SH3YL1: variants seen among roughly 807,000 people sequenced by gnomAD.
SH3YL1 encodes the protein SH3 domain-containing YSC84-like protein 1.
Under a neutral mutation model 45.8 loss-of-function variants are expected in SH3YL1, and 41 were observed. The ratio of observed to expected loss-of-function variants is 0.89; its 90% confidence interval spans 0.70 to 1.16. The LOEUF (loss-of-function observed/expected upper bound fraction) is 1.16, where lower values mean the gene tolerates loss of function less well. SH3YL1 is among the 50% of genes most tolerant of loss of function. The pLI, the probability that SH3YL1 is intolerant of heterozygous loss-of-function variation, is 0.00. For missense variants in SH3YL1, 389 were observed against 409.6 expected, an observed-to-expected ratio of 0.95 and a Z score of 0.43; for synonymous variants, 152 against 151.4, an observed-to-expected ratio of 1.00 and a Z score of -0.03.
chr2:227,385 T>A (rs919918715), intron 8 of SH3YL1, among the ~76,000 whole-genome samples: 1 of 152,142 alleles, frequency 6.6e-6, no homozygotes, highest in East Asian at 1.9e-4. Flanking sequence ...ATTGTGACAC[T>A]GTTTGGCATG....
intron 4 of SH3YL1, chr2:240,678 AAT>A (rs1408826212): frequency 6.6e-6 from 1 of 152,274 alleles, no homozygotes; most frequent in East Asian, 1.9e-4. Flanking sequence ...TGTTGGAAAC[AAT>A]GGAGCAATCA....
intron 4 of SH3YL1, among the ~76,000 whole-genome samples, chr2:237,518 A>C (rs1176433846): frequency 6.6e-6 from 1 of 152,112 alleles, no homozygotes; most frequent in Non-Finnish European, 1.5e-5. Flanking sequence ...GCACTCTCAG[A>C]AAACCCTGTA....
intron 8 of SH3YL1, among the ~76,000 whole-genome samples, chr2:226,608 T>G (rs1385805312): frequency 6.6e-6 from 1 of 152,074 alleles, no homozygotes; most frequent in African/African-American, 2.4e-5. Context: ...TGGTGGGGAA[T>G]GTAGATGGTG....
chr2:250,776 C>T (rs867634430), intron 2 of SH3YL1, among the ~76,000 whole-genome samples: 157 of 152,190 alleles, frequency 1.0e-3, no homozygotes, highest in African/African-American at 3.6e-3. Context: ...AATTAAGAAC[C>T]GACTCTTGGA....
chr2:243,765 G>A (rs980871682), intron 4 of SH3YL1, among the ~76,000 whole-genome samples: 4 of 152,086 alleles, frequency 2.6e-5, no homozygotes, highest in Non-Finnish European at 4.4e-5. Flanking sequence ...CGCTTCTAGT[G>A]AACCATATCT....
chr2:258,559 C>T (rs1435044202), intron 1 of SH3YL1, among the ~76,000 whole-genome samples: 2 of 152,180 alleles, frequency 1.3e-5, no homozygotes, highest in Non-Finnish European at 1.5e-5. Flanking sequence ...GCCTAGATTT[C>T]ATTGCTTCCC....
At chr2:264,307 C>T (rs947678920), upstream of SH3YL1, 2 of 333,750 alleles carry the variant, frequency 6.0e-6, no homozygotes, top group Middle Eastern at 8.0e-4. Context: ...CCTGGTCCGG[C>T]GTGGACCCCG....
At chr2:244,048 G>A (rs779949725) in intron 4 of SH3YL1, among the ~76,000 whole-genome samples, 1 of 152,182 alleles carries the variant, frequency 6.6e-6, no homozygotes, top group Non-Finnish European at 1.5e-5. Context: ...CTGCCTGGAT[G>A]TGGGAGCAGA....
intron 2 of SH3YL1, among the ~76,000 whole-genome samples, chr2:251,215 T>A (rs1208351805): frequency 6.6e-6 from 1 of 152,222 alleles, no homozygotes; most frequent in Non-Finnish European, 1.5e-5. Flanking sequence ...AATGTACCAA[T>A]TATAGATTTA....
In SH3YL1 at chr2:231,087, T is replaced by A; in HGVS notation, c.638A>T (p.Lys213Met). The stretch of plus-strand genomic sequence containing the variant: ...GATTCGTTGTCCTTCATTTTCATAC[T>A]TTTCAGTAAAGGAATCAAGAATTTC... ...LYEILDSFTE[K>M]YENEGQRINA... is the part of the protein sequence containing the mutation. Residue 213 changes from lysine to methionine, a missense_variant, in exon 7 of 10, where the codon AAG (lysine) becomes ATG (methionine). By Grantham distance (95) the Lys-to-Met change is moderately conservative. Transcript: ENST00000356150. 1 of 1,614,148 alleles carries A rather than the reference T, an allele frequency of 6.2e-7. No homozygotes were observed. The highest frequency in any genetic ancestry group is 8.5e-7 in the Non-Finnish European group (1 of 1,179,996).
chr2:260,939 T>G (rs1669565224), intron 1 of SH3YL1: 1 of 152,214 alleles, frequency 6.6e-6, no homozygotes, highest in Non-Finnish European at 1.5e-5. Flanking sequence ...GGGAATCAGA[T>G]GCAGCCTCAC....
At chr2:247,684 T>C in intron 3 of SH3YL1, 82 bp from the exon 4 acceptor site, 1 of 1,017,346 alleles carries the variant, frequency 9.8e-7, no homozygotes, top group Non-Finnish European at 1.5e-6. Context: ...TGCTAAAATC[T>C]AAAGAGTGCT....
chr2:223,444 T>G (rs1328009073), intron 9 of SH3YL1, among the ~76,000 whole-genome samples: 2 of 152,232 alleles, frequency 1.3e-5, no homozygotes, highest in Non-Finnish European at 2.9e-5. Context: ...GCCAGTCAGC[T>G]GACCTTGTCA....
intron 1 of SH3YL1, among the ~76,000 whole-genome samples, chr2:254,480 GCGTGA>G (rs1272534778): frequency 6.6e-6 from 1 of 152,238 alleles, no homozygotes; most frequent in Non-Finnish European, 1.5e-5. Context: ...GGAGGCACAT[GCGTGA>G]CTGACTGCAG....
In SH3YL1 at chr2:233,693, C is replaced by T. The variant is rs185850748; in HGVS notation, c.405-464G>A. ...ATAGTGTGGGTATAAAATATCTCTA[C>T]ATTGCACAATTAATCCAAGACTAGC... On this transcript the variant is annotated intron_variant, in intron 5 of 9. Transcript: ENST00000356150. Among the ~76,000 whole-genome samples, 14 of 152,230 alleles carry T rather than the reference C, an allele frequency of 9.2e-5. No homozygotes were observed. In the East Asian group the frequency reaches 2.1e-3, roughly 23 times the overall value.
intron 4 of SH3YL1, among the ~76,000 whole-genome samples, chr2:242,408 T>A (rs761285353): frequency 1.6e-4 from 24 of 151,910 alleles, no homozygotes; most frequent in Non-Finnish European, 2.7e-4. Flanking sequence ...TAGAACCATA[T>A]GAGAGTAATG....
In SH3YL1 at chr2:242,827, A is replaced by C. The variant is rs1419939310; in HGVS notation, c.291+4711T>G. ...AGATTGACAGTAAAAGGATGGAGAA[A>C]GATGTGTCATGCAGATGGCAACCTA... On this transcript the variant is annotated intron_variant, in intron 4 of 9. Transcript: ENST00000356150. 8 of 1,534,054 alleles carry C rather than the reference A, an allele frequency of 5.2e-6. No homozygotes were observed. In the South Asian group the frequency reaches 9.9e-5, roughly 19 times the overall value.
At chr2:254,105 C>A (rs910894425) in intron 1 of SH3YL1, among the ~76,000 whole-genome samples, 30 of 151,924 alleles carry the variant, frequency 2.0e-4, no homozygotes, top group African/African-American at 7.2e-4. Context: ...TTGTAACTAT[C>A]TATAATATAT....
chr2:221,966 C>A (rs879517842), intron 9 of SH3YL1, among the ~76,000 whole-genome samples: 1 of 152,088 alleles, frequency 6.6e-6, no homozygotes, highest in Non-Finnish European at 1.5e-5. Flanking sequence ...AAGTTTAATG[C>A]CCACAAAGAA....
Sources: allele counts gnomAD v4.1 joint callset (sites outside exome capture counted in the v4.1 genomes callset), GRCh38; gene constraint gnomAD v4.1.1; transcripts MANE v1.5; gene names NCBI Gene and HGNC (gene_info 2026-07-23, HGNC 2026-07-21).